Variants in DLC1 observed in about 807,000 individuals in gnomAD.
DLC1 encodes the protein DLC1 Rho GTPase activating protein.
In DLC1, 54 loss-of-function variants were observed where a neutral mutation model predicts 140.3. The observed-to-expected ratio is 0.38, with a 90% confidence interval of 0.31 to 0.48. The LOEUF is 0.48. DLC1 is among the 20% of genes least tolerant of loss of function. The pLI, the probability that DLC1 is intolerant of heterozygous loss-of-function variation, is 0.96. For synonymous variants in DLC1, 986 were observed against 728.1 expected (o/e 1.35, Z -5.70); for missense variants, 2,536 against 1,907.0 (o/e 1.33, Z -6.14).
At chr8:13,479,935 G>A (rs945360097) in intron 2 of DLC1, among the ~76,000 whole-genome samples, 2 of 118,338 alleles carry the variant, frequency 1.7e-5, no homozygotes, top group African/African-American at 3.1e-5. Context: ...GTGTGGTGGC[G>A]TGTGTCTGTA....
At chr8:13,229,817 A>G (rs982844529) in intron 5 of DLC1, among the ~76,000 whole-genome samples, 5 of 152,208 alleles carry the variant, frequency 3.3e-5, no homozygotes, top group African/African-American at 1.2e-4. Flanking sequence ...ATAAATTCTG[A>G]AAGTGTTCAC....
intron 2 of DLC1, among the ~76,000 whole-genome samples, chr8:13,402,990 CAATT>C (rs1837365213): frequency 1.3e-5 from 2 of 152,160 alleles, no homozygotes; most frequent in Non-Finnish European, 2.9e-5. Flanking sequence ...TTCAGACAAT[CAATT>C]AAGCTAACAT....
At chr8:13,429,885 G>A (rs1267040688) in intron 2 of DLC1, among the ~76,000 whole-genome samples, 1 of 152,040 alleles carries the variant, frequency 6.6e-6, no homozygotes. Flanking sequence ...AAAATTCAAA[G>A]GTTAAATCCA....
intron 5 of DLC1, 44 bp from the exon 6 acceptor site, chr8:13,115,701 C>T (rs765200596): frequency 7.0e-6 from 11 of 1,579,150 alleles, no homozygotes; most frequent in South Asian, 5.7e-5. Flanking sequence ...ATGTGTACCT[C>T]GCCATGCTTA....
chr8:13,193,431 A>G (rs1316863422), intron 5 of DLC1, among the ~76,000 whole-genome samples: 1 of 152,196 alleles, frequency 6.6e-6, no homozygotes, highest in Non-Finnish European at 1.5e-5. Flanking sequence ...AGGACTTAGT[A>G]GGAATCCACC....
intron 1 of DLC1, among the ~76,000 whole-genome samples, chr8:13,555,858 G>C (rs1804028360): frequency 1.3e-5 from 2 of 151,544 alleles, no homozygotes; most frequent in African/African-American, 4.9e-5. Flanking sequence ...GTTTATTTTT[G>C]TTACATATTA....
At position 13,479,826 on chromosome 8, in the gene DLC1, G is replaced by GAGAAA. The variant is rs1563383379; in HGVS notation, c.1023+19222_1023+19223insTTTCT. Reference sequence around the variant, plus strand: ...AAAAGAAGAAGAAGAAGAAGAAGAAGAAGAAGAAGAAGAAGAAGAAGAAGA... The same window carrying GAGAAA: ...AAAAGAAGAAGAAGAAGAAGAAGAAGAGAAAAAGAAGAAGAAGAAGAAGAAGAAGA... On this transcript the variant is annotated intron_variant, in intron 2 of 17. Transcript: ENST00000276297. 4.3e-4 allele frequency among the ~76,000 whole-genome samples: 16 copies of GAGAAA among 37,414 alleles called. 1 individual carries two copies. The highest frequency in any genetic ancestry group is 5.8e-4 in the African/African-American group (10 of 17,300). 24.5% of individuals were successfully genotyped at this position (37,414 alleles called of 152,430 possible).
chr8:13,391,949 C>T (rs1836782449), intron 4 of DLC1, among the ~76,000 whole-genome samples: 1 of 150,578 alleles, frequency 6.6e-6, no homozygotes, highest in Non-Finnish European at 1.5e-5. Flanking sequence ...ACCTTCAAGT[C>T]AAAACTGTTG....
intron 5 of DLC1, among the ~76,000 whole-genome samples, chr8:13,235,608 A>G (rs1052601594): frequency 6.6e-6 from 1 of 152,020 alleles, no homozygotes; most frequent in South Asian, 2.1e-4. Context: ...ACTGAAATTT[A>G]ATAATAATTA....
At chr8:13,202,498 T>C (rs538851905) in intron 5 of DLC1, among the ~76,000 whole-genome samples, 3 of 152,146 alleles carry the variant, frequency 2.0e-5, no homozygotes, top group East Asian at 1.9e-4. Flanking sequence ...CTTAGTAAAA[T>C]TGCCGTCTTT....
chr8:13,314,756 G>A (rs1036403628), intron 4 of DLC1, among the ~76,000 whole-genome samples: 1 of 152,168 alleles, frequency 6.6e-6, no homozygotes, highest in African/African-American at 2.4e-5. Context: ...CTACTTAAAT[G>A]ATATACATAA....
At chr8:13,577,489 C>A (rs1804885240) in intron 1 of DLC1, among the ~76,000 whole-genome samples, 2 of 152,084 alleles carry the variant, frequency 1.3e-5, no homozygotes, top group African/African-American at 4.8e-5. Flanking sequence ...TTACGTATAT[C>A]TTGGTTAAAT....
In DLC1 at chr8:13,187,333, G is replaced by T. The variant is rs377174551; in HGVS notation, c.1349-71676C>A. 3.3e-5 allele frequency among the ~76,000 whole-genome samples: 5 copies of T among 152,188 alleles called. No homozygotes were observed. In the South Asian group the frequency reaches 8.3e-4, roughly 25 times the overall value. ...TAAGAAAATAATCGGCATATAATAG[G>T]TGCTCAATAGATATTTGTTGAATGA... On this transcript the variant is annotated intron_variant, in intron 5 of 17. Transcript: ENST00000276297.
At chr8:13,120,356 A>AAAATATATATAT in intron 5 of DLC1, among the ~76,000 whole-genome samples, 7 of 61,104 alleles carry the variant, frequency 1.1e-4, no homozygotes, top group East Asian at 7.2e-4. Flanking sequence ...AAAAAAAAAA[A>AAAATATATATAT]ATATATATAT....
chr8:13,491,731 C>G (rs907643438), intron 2 of DLC1, among the ~76,000 whole-genome samples: 1 of 152,120 alleles, frequency 6.6e-6, no homozygotes, highest in Non-Finnish European at 1.5e-5. Flanking sequence ...CTCTTCTTCC[C>G]TCATGTCCTG....
At chr8:13,469,086 T>C (rs1800087575) in intron 2 of DLC1, among the ~76,000 whole-genome samples, 1 of 152,202 alleles carries the variant, frequency 6.6e-6, no homozygotes, top group Admixed American at 6.5e-5. Flanking sequence ...CCCAAAGTGC[T>C]GGGATTACAG....
chr8:13,379,379 A>G (rs181299778), intron 4 of DLC1, among the ~76,000 whole-genome samples: 1 of 152,296 alleles, frequency 6.6e-6, no homozygotes, highest in Admixed American at 6.5e-5. Context: ...TAAGTCAAAA[A>G]TGCACTTAAT....
chr8:13,581,145 G>A (rs1380851310), intron 1 of DLC1, among the ~76,000 whole-genome samples: 1 of 152,126 alleles, frequency 6.6e-6, no homozygotes, highest in Non-Finnish European at 1.5e-5. Context: ...TGCATGCCTG[G>A]GAGATCTCAT....
rs192384662 is a variant in DLC1 at position 13,130,699 on chromosome 8, A to T, written c.1349-15042T>A. Among the ~76,000 whole-genome samples the T allele has an allele frequency of 1.9e-3, 285 of 152,338 alleles. 1 individual carries two copies. Among genetic ancestry groups the T allele is most frequent in the African/African-American group, 6.4e-3 (267 of 41,574 alleles). On this transcript the variant is annotated intron_variant, in intron 5 of 17. Coordinates refer to ENST00000276297, the MANE Select transcript of DLC1 (RefSeq NM_182643.3). Reference sequence around the variant, plus strand: ...GTTTCTCATGAAATCTGCAATTGGGAAGTTATGACATAAGTCACCAAAACC... The same window carrying T: ...GTTTCTCATGAAATCTGCAATTGGGTAGTTATGACATAAGTCACCAAAACC...
Sources: allele counts gnomAD v4.1 joint callset (sites outside exome capture counted in the v4.1 genomes callset), GRCh38; gene constraint gnomAD v4.1.1; transcripts MANE v1.5; gene names NCBI Gene and HGNC (gene_info 2026-07-23, HGNC 2026-07-21).